Variants in EPAS1 observed in about 807,000 individuals in gnomAD.
The protein encoded by EPAS1 is endothelial PAS domain-containing protein 1.
In EPAS1, 23 loss-of-function variants were observed where a neutral mutation model predicts 87.9. The observed-to-expected ratio is 0.26, with a 90% CI of 0.19 to 0.37. The LOEUF (loss-of-function observed/expected upper bound fraction) is 0.37. Ranked by LOEUF, EPAS1 falls within the 10% of genes least tolerant of loss-of-function variation. EPAS1 has a pLI of 1.00. For synonymous variants in EPAS1, 508 were observed against 444.3 expected (o/e 1.14, Z -1.80); for missense variants, 1,138 against 1,120.7 (o/e 1.02, Z -0.22).
rs760218036 is a variant in EPAS1 at position 46,380,396 on chromosome 2, C to T, written c.1724C>T (p.Ala575Val). Residue 575 changes from alanine to valine, a missense_variant, in exon 12 of 16, where the codon GCC becomes GTC. By Grantham distance (64) the Ala-to-Val change is moderately conservative. This residue lies in a region of EPAS1 where 502 missense variants were observed against 427.1 expected (regional missense o/e 1.18). Transcript: ENST00000263734. This position sits in a 1 kb window ranked among gnomAD's most constrained non-coding sequence, Gnocchi z 4.4. ...ATGACAAACATCTTCCAGCCACTGG[C>T]CCCTGTAGCCCCGCACAGTCCCTTC... ...SAMTNIFQPL[A>V]PVAPHSPFLL... The T allele has an allele frequency of 2.5e-6, 4 of 1,614,204 alleles. No individual in the cohort carries two copies. In the South Asian group the frequency reaches 4.4e-5, roughly 18 times the overall value.
intron 4 of EPAS1, among the ~76,000 whole-genome samples, chr2:46,359,706 G>A (rs114639235): frequency 3.7e-3 from 564 of 152,250 alleles, no homozygotes; most frequent in African/African-American, 0.013. Flanking sequence ...GTTCCTGGAG[G>A]AAGGAGTGTG....
chr2:46,322,829 C>T (rs75740730), intron 1 of EPAS1, among the ~76,000 whole-genome samples: 2,091 of 152,294 alleles, frequency 0.014, 55 homozygotes, highest in African/African-American at 0.048. Flanking sequence ...TCCACCCCCA[C>T]GACAGGCAAT....
chr2:46,308,461 G>GGT (rs1553388759), intron 1 of EPAS1, among the ~76,000 whole-genome samples: 4 of 38,736 alleles, frequency 1.0e-4, no homozygotes, highest in South Asian at 1.0e-3. Flanking sequence ...GCTTTTTTTT[G>GGT]GGGGGGGGGG....
intron 1 of EPAS1, among the ~76,000 whole-genome samples, chr2:46,312,494 C>T (rs896681938): frequency 4.0e-5 from 6 of 151,740 alleles, no homozygotes; most frequent in Non-Finnish European, 7.4e-5. Flanking sequence ...ATCACTTTTG[C>T]AACTATTATC....
chr2:46,311,721 C>T (rs575657376), intron 1 of EPAS1, among the ~76,000 whole-genome samples: 9 of 152,134 alleles, frequency 5.9e-5, no homozygotes, highest in Admixed American at 2.0e-4. Context: ...TTGAAAAGTT[C>T]CAACTTTGCC....
At position 46,326,780 on chromosome 2, in the gene EPAS1, T is replaced by G. The variant is rs182698094; in HGVS notation, c.27-20093T>G. Among the ~76,000 whole-genome samples, 4 of 152,198 alleles carry G rather than the reference T, an allele frequency of 2.6e-5. No individual in the cohort carries two copies. The East Asian group carries it at 7.7e-4, about 29-fold the overall frequency. ...AGGGGTAAGACGAGCATACAGGTGA[T>G]CATACTCAAGACAGGAGATAGTAAA... On this transcript the variant is annotated intron_variant, in intron 1 of 15. Transcript: ENST00000263734.
At chr2:46,377,721 C>A (rs759459859) in intron 9 of EPAS1, among the ~76,000 whole-genome samples, 173 bp from the exon 10 acceptor site, 1 of 152,192 alleles carries the variant, frequency 6.6e-6, no homozygotes, top group Non-Finnish European at 1.5e-5. Flanking sequence ...TGACTCATAG[C>A]CAGAGTCAAA....
At chr2:46,356,575 G>A in intron 3 of EPAS1, 149 bp from the exon 4 acceptor site, 1 of 751,782 alleles carries the variant, frequency 1.3e-6, no homozygotes, top group Non-Finnish European at 2.4e-6. Flanking sequence ...ACATCTTTCT[G>A]TCTGTGGACC....
intron 9 of EPAS1, among the ~76,000 whole-genome samples, chr2:46,376,981 C>G (rs1441398668): frequency 1.3e-5 from 2 of 152,138 alleles, no homozygotes; most frequent in African/African-American, 2.4e-5. Flanking sequence ...AAGTGCTGTA[C>G]GAGGAGGGGT....
At chr2:46,368,750 C>T (rs761357248) in intron 6 of EPAS1, among the ~76,000 whole-genome samples, 3 of 152,158 alleles carry the variant, frequency 2.0e-5, no homozygotes, top group African/African-American at 4.8e-5. Flanking sequence ...AATAATGAGA[C>T]TGTGGCATCA....
chr2:46,378,810 CTGGTG>C, intron 11 of EPAS1, 43 bp downstream of exon 11: 1 of 1,519,168 alleles, frequency 6.6e-7, no homozygotes, highest in Non-Finnish European at 9.1e-7. Context: ...TGCCTGCTGT[CTGGTG>C]GACAGCAAAG....
chr2:46,347,225 A>G lies in EPAS1; in HGVS notation c.217+162A>G. 4 of 773,950 alleles carry G rather than the reference A, an allele frequency of 5.2e-6. No individual in the cohort carries two copies. The highest frequency in any genetic ancestry group is 2.1e-5 in the Admixed American group (1 of 48,682). 47.9% of individuals were successfully genotyped at this position (773,950 alleles called of 1,614,324 possible). ...AGTGATTTATTCCTTCATGTTAAAC[A>G]TCTCTCTTCCAGCAGTGACCTTTAC... On this transcript the variant is annotated intron_variant, in intron 2 of 15. Transcript: ENST00000263734. The surrounding 1 kb of genome is among the most constrained non-coding windows in gnomAD (Gnocchi z 4.2).
chr2:46,312,578 T>A (rs1683234888), intron 1 of EPAS1, among the ~76,000 whole-genome samples: 1 of 152,186 alleles, frequency 6.6e-6, no homozygotes. Flanking sequence ...AATATAATCA[T>A]TAGGCACATT....
intron 1 of EPAS1, among the ~76,000 whole-genome samples, chr2:46,340,140 A>G (rs571656027): frequency 6.6e-6 from 1 of 152,268 alleles, no homozygotes; most frequent in Admixed American, 6.5e-5. Context: ...CGGTTACGTA[A>G]GGAGCTGGGT....
At chr2:46,339,900 T>C (rs1385790566) in intron 1 of EPAS1, among the ~76,000 whole-genome samples, 1 of 152,202 alleles carries the variant, frequency 6.6e-6, no homozygotes. Context: ...ATCCCATTCA[T>C]GAGGACTTCA....
chr2:46,378,987 C>T (rs1384636369), intron 11 of EPAS1, among the ~76,000 whole-genome samples: 2 of 152,204 alleles, frequency 1.3e-5, no homozygotes, highest in Admixed American at 6.5e-5. Context: ...ATATGTGTCT[C>T]CTACTTAGAT....
intron 7 of EPAS1, among the ~76,000 whole-genome samples, chr2:46,372,269 T>A (rs1244320893): frequency 1.3e-5 from 2 of 152,172 alleles, no homozygotes; most frequent in Non-Finnish European, 2.9e-5. Context: ...ATTGGATTAA[T>A]GACAGTTATG....
rs1382993020 is a variant in EPAS1, at chr2:46,384,518, G to A, written c.2471G>A (p.Ser824Asn). 14 of 1,614,232 alleles carry A rather than the reference G, an allele frequency of 8.7e-6. No individual in the cohort carries two copies. The highest frequency in any genetic ancestry group is 1.1e-5 in the Non-Finnish European group (13 of 1,180,040). ...SSAHKVSGMA[S>N]RLLGPSFESY... ...CCAACCCTTCTTTCAGGCATGGCAAGCCGGCTGCTCGGGCCCTCATTTGAG... is the reference window on the plus strand; with the variant it reads ...CCAACCCTTCTTTCAGGCATGGCAAACCGGCTGCTCGGGCCCTCATTTGAG... The change falls in exon 16 of 16, where the codon AGC becomes AAC. Residue 824 changes from serine to asparagine, a missense_variant. Around this residue, in one of 4 missense-constraint regions of EPAS1, gnomAD observed 502 missense variants for 427.1 expected, o/e 1.18. Coordinates refer to ENST00000263734, the MANE Select transcript of EPAS1 (RefSeq NM_001430.5).
chr2:46,352,981 A>C (rs1665142346), intron 2 of EPAS1, among the ~76,000 whole-genome samples: 1 of 152,262 alleles, frequency 6.6e-6, no homozygotes, highest in African/African-American at 2.4e-5. Flanking sequence ...AATTTTAAGC[A>C]GGACTATTTC....
Sources: gnomAD v4.1 joint callset for allele counts (sites outside exome capture counted in the v4.1 genomes callset) on GRCh38, gnomAD v4.1.1 for gene constraint, gnomAD v4.1.1 regional missense constraint, Gnocchi (gnomAD v3.1) non-coding constraint, MANE v1.5 for transcripts, NCBI Gene and HGNC (gene_info 2026-07-23, HGNC 2026-07-21) for gene names.